The following ADCY10 variants were observed in gnomAD, a reference collection of about 807,000 sequenced individuals.
ADCY10 encodes the protein adenylate cyclase type 10.
Under a neutral mutation model 183.3 loss-of-function variants are expected in ADCY10, and 156 were observed. The ratio of observed to expected loss-of-function variants is 0.85; its 90% CI spans 0.75 to 0.97. The LOEUF is 0.97. Among genes scored for constraint, ADCY10 ranks in the 50% least tolerant of loss-of-function variants. The probability of loss-of-function intolerance (pLI) is 0.00; values close to 1 mark genes in which losing one functional copy is unlikely to be tolerated. For missense variants in ADCY10, 1,745 were observed against 1,934.3 expected (o/e 0.90, Z 1.84); for synonymous variants, 645 against 670.0 (o/e 0.96, Z 0.58).
intron 32 of ADCY10, among the ~76,000 whole-genome samples, chr1:167,810,489 C>T (rs1662133272): frequency 6.6e-6 from 1 of 152,160 alleles, no homozygotes; most frequent in South Asian, 2.1e-4. Flanking sequence ...TGTGAGGACA[C>T]AGCAAAAGGC....
At chr1:167,884,584 C>CT (rs1294516159) in intron 8 of ADCY10, among the ~76,000 whole-genome samples, 7 of 152,028 alleles carry the variant, frequency 4.6e-5, no homozygotes, top group African/African-American at 1.7e-4. Context: ...CATTCTTTCT[C>CT]TTTTTTTGTA....
At chr1:167,869,813 C>T (rs967092536) in intron 14 of ADCY10, among the ~76,000 whole-genome samples, 10 of 151,986 alleles carry the variant, frequency 6.6e-5, no homozygotes, top group African/African-American at 2.2e-4. Flanking sequence ...GATTTTGAGA[C>T]GCTAGCCTGC....
rs1350824762 is a variant in ADCY10, at chr1:167,859,527, T to C, written c.1896+280A>G. Among the ~76,000 whole-genome samples the C allele has an allele frequency of 2.6e-5, 4 of 152,146 alleles. No homozygotes were observed. In the East Asian group the frequency reaches 5.8e-4, roughly 22 times the overall value. ...GACAGAGCCTGCATATGTAACCACT[T>C]TGGTACATTATATCTCAACAAAGGA... is the stretch of plus-strand genomic sequence containing the variant. On this transcript the variant is annotated intron_variant, in intron 16 of 32. Transcript: ENST00000367851.
intron 18 of ADCY10, among the ~76,000 whole-genome samples, chr1:167,853,336 T>C (rs376091934): frequency 3.3e-5 from 5 of 152,112 alleles, no homozygotes; most frequent in Admixed American, 6.5e-5. Flanking sequence ...CTAGACGTTA[T>C]GTGTAAAACA....
chr1:167,868,166 A>T (rs530175165), intron 14 of ADCY10, among the ~76,000 whole-genome samples: 13 of 152,298 alleles, frequency 8.5e-5, no homozygotes, highest in African/African-American at 3.1e-4. Flanking sequence ...AAAAACCAGA[A>T]ATTTGTTTTT....
chr1:167,864,195 GTTCT>G (rs1666503177), intron 14 of ADCY10, among the ~76,000 whole-genome samples: 1 of 152,122 alleles, frequency 6.6e-6, no homozygotes, highest in Non-Finnish European at 1.5e-5. Flanking sequence ...CTTTTTACCC[GTTCT>G]TTGTTTTGTG....
intron 16 of ADCY10, 23 bp from the exon 17 acceptor site, chr1:167,856,462 A>T: frequency 1.2e-6 from 2 of 1,613,868 alleles, no homozygotes; most frequent in Non-Finnish European, 1.7e-6. Flanking sequence ...CAGAAAGAGA[A>T]AGAGAAACAC....
At position 167,856,226 on chromosome 1, in the gene ADCY10, C is replaced by T. The variant is rs774828588; in HGVS notation, c.2110G>A (p.Asp704Asn). 2.4e-5 allele frequency: 38 copies of T among 1,613,700 alleles called. No homozygotes were observed. Among genetic ancestry groups the T allele is most frequent in the African/African-American group, 4.0e-5 (3 of 74,876 alleles). ...TCAAGACAGATCTTGTTGGAGATGT[C>T]GTTAGGCTGTACTGCACCAATGACA... ...YIVIGAVQPNDISNKICLDLN... is the reference protein window; with the variant it reads ...YIVIGAVQPNNISNKICLDLN... Residue 704 changes from aspartate to asparagine, a missense_variant, in exon 17 of 33, where the codon GAC becomes AAC. Transcript: ENST00000367851.
At chr1:167,838,789 T>A (rs1664412422) in intron 21 of ADCY10, among the ~76,000 whole-genome samples, 1 of 152,198 alleles carries the variant, frequency 6.6e-6, no homozygotes. Context: ...ATTTCAAAAT[T>A]AACATGATTC....
chr1:167,873,881 A>G (rs1192262272), intron 13 of ADCY10, among the ~76,000 whole-genome samples: 1 of 152,252 alleles, frequency 6.6e-6, no homozygotes. Context: ...TATTAAATGC[A>G]TAATTGAGAG....
chr1:167,870,437 C>CA (rs1174388830), intron 13 of ADCY10, 27 bp from the exon 14 acceptor site: 1 of 1,566,410 alleles, frequency 6.4e-7, no homozygotes. Flanking sequence ...TAAAAAAGAG[C>CA]AAACTCAATC....
intron 13 of ADCY10, among the ~76,000 whole-genome samples, chr1:167,871,775 G>A (rs1488863586): frequency 6.6e-6 from 1 of 151,884 alleles, no homozygotes. Context: ...TCTGAGTATG[G>A]CTTAGTGAGA....
intron 3 of ADCY10, 105 bp from the exon 4 acceptor site, chr1:167,902,159 T>C (rs1669477839): frequency 8.9e-7 from 1 of 1,124,754 alleles, no homozygotes; most frequent in African/African-American, 1.5e-5. Flanking sequence ...AGAACAGTGA[T>C]TCAGAGAATA....
At chr1:167,888,749 G>A (rs1431240264) in intron 8 of ADCY10, among the ~76,000 whole-genome samples, 1 of 151,804 alleles carries the variant, frequency 6.6e-6, no homozygotes, top group African/African-American at 2.4e-5. Context: ...GGTGGCGGGC[G>A]CCTGTGGTCC....
intron 6 of ADCY10, among the ~76,000 whole-genome samples, chr1:167,897,649 C>A (rs372013569): frequency 1 from 2,896 of 2,896 alleles, 1,448 homozygotes; most frequent in Non-Finnish European, 1. Flanking sequence ...ACGGTCACTG[C>A]AAGACAACGG....
chr1:167,846,217 C>T lies in ADCY10; in HGVS notation c.2484G>A (p.Met828Ile). Residue 828 changes from methionine (M) to isoleucine (I), a missense_variant, in exon 20 of 33, where the codon ATG becomes ATA. Met to Ile is a conservative substitution (Grantham distance 10, BLOSUM62 1). Transcript: ENST00000367851. ...QLDSMRLSHQ[M>I]LVRCAAIIGL... The stretch of plus-strand genomic sequence containing the variant: ...CAATGATGGCAGCACATCTCACCAG[C>T]ATTTGGTGGGAAAGTCTCATGCTAT... 6.2e-7 allele frequency: 1 copy of T among 1,614,194 alleles called. No homozygotes were observed. Among genetic ancestry groups the T allele is most frequent in the Non-Finnish European group, 8.5e-7 (1 of 1,180,024 alleles).
intron 16 of ADCY10, among the ~76,000 whole-genome samples, chr1:167,857,028 A>G (rs1437719292): frequency 6.6e-6 from 1 of 152,186 alleles, no homozygotes; most frequent in Non-Finnish European, 1.5e-5. Flanking sequence ...TGAATTATTT[A>G]TTCACTCATT....
At chr1:167,845,503 GATC>G (rs1171611057) in intron 21 of ADCY10, 57 bp downstream of exon 21, 6 of 1,574,936 alleles carry the variant, frequency 3.8e-6, no homozygotes, top group Non-Finnish European at 5.2e-6. Context: ...ACTCCTTCTA[GATC>G]TTAGTCTCTA....
At position 167,905,105 on chromosome 1, in the gene ADCY10, G is replaced by T; in HGVS notation, c.36C>A (p.Pro12=). 6.2e-7 allele frequency: 1 copy of T among 1,614,166 alleles called. No homozygotes were observed. The highest frequency in any genetic ancestry group is 8.5e-7 in the Non-Finnish European group (1 of 1,180,034). The change falls in exon 2 of 33, where the codon CCC becomes CCA. Residue 12 remains proline (P), a synonymous_variant. Transcript: ENST00000367851. The stretch of plus-strand genomic sequence containing the variant: ...GTAAATGAGCTGCTATTCTGACTAT[G>T]GGCCAGTCCTGGAATTCTTCTTTTG... ...NTPKEEFQDW[P]IVRIAAHLPD...
Sources: gnomAD v4.1 joint callset for allele counts (sites outside exome capture counted in the v4.1 genomes callset) on GRCh38, gnomAD v4.1.1 for gene constraint, MANE v1.5 for transcripts, NCBI Gene and HGNC (gene_info 2026-07-23, HGNC 2026-07-21) for gene names.